ATRNL1: variants seen among roughly 807,000 people sequenced by gnomAD.
The protein encoded by ATRNL1 is attractin like 1.
ATRNL1 carries 95 observed loss-of-function variants against 182.7 expected under a neutral mutation model. That is an observed-to-expected ratio of 0.52 (90% CI 0.44 to 0.62). The LOEUF (loss-of-function observed/expected upper bound fraction) is 0.62, where lower values mean the gene tolerates loss of function less well. Ranked by LOEUF, ATRNL1 falls within the 20% of genes least tolerant of loss-of-function variation. The pLI, the probability that ATRNL1 is intolerant of heterozygous loss-of-function variation, is 0.00. For synonymous variants in ATRNL1, 576 were observed against 568.3 expected (o/e 1.01, Z -0.19); for missense variants, 1,471 against 1,679.5 (o/e 0.88, Z 2.17).
chr10:115,786,164 C>G (rs1454587277), intron 27 of ATRNL1, among the ~76,000 whole-genome samples: 1 of 152,156 alleles, frequency 6.6e-6, no homozygotes, highest in African/African-American at 2.4e-5. Context: ...GTCATCAAGG[C>G]TTTTCCTATC....
Position 115,948,846 on chromosome 10 carries a change from C to T in ATRNL1, c.*4067C>T, listed in dbSNP as rs1274208673. The T allele has an allele frequency of 1.4e-5, 2 of 147,832 alleles. No individual in the cohort carries two copies. Among genetic ancestry groups the T allele is most frequent in the Non-Finnish European group, 3.0e-5 (2 of 67,324 alleles). The allele number at this position is 147,832 out of a possible 1,614,324, so 9.2% of individuals were successfully genotyped here. ...TAAGAATTAGAACCAGAGCTCCTAT[C>T]AGTATATATGTACACAGGTGTGCAT... On this transcript the variant is annotated 3_prime_UTR_variant, in exon 29 of 29. Transcript: ENST00000355044.
intron 21 of ATRNL1, among the ~76,000 whole-genome samples, chr10:115,454,758 CTG>C (rs1847442606): frequency 1.3e-5 from 2 of 152,006 alleles, no homozygotes; most frequent in South Asian, 4.1e-4. Flanking sequence ...TCCTGCAACA[CTG>C]TTGAATTTAT....
At position 115,778,386 on chromosome 10, in the gene ATRNL1, G is replaced by C. The variant is rs117733702; in HGVS notation, c.3903+51031G>C. Among the ~76,000 whole-genome samples, 66 of 152,244 alleles carry C rather than the reference G, an allele frequency of 4.3e-4. No individual in the cohort carries two copies. The East Asian group carries it at 0.012, about 28-fold the overall frequency. On this transcript the variant is annotated intron_variant, in intron 27 of 28. Coordinates refer to ENST00000355044, the MANE Select transcript of ATRNL1 (RefSeq NM_207303.4). ...TGTCAAATGCCATTTAAAAAGACCA[G>C]ATAAAATGCTAAGTGAATTCAGTGA... is the stretch of plus-strand genomic sequence containing the variant.
At chr10:115,379,137 G>T (rs1221732977) in intron 19 of ATRNL1, among the ~76,000 whole-genome samples, 3 of 151,684 alleles carry the variant, frequency 2.0e-5, no homozygotes, top group Non-Finnish European at 4.4e-5. Flanking sequence ...ATATTCTAGG[G>T]GGCAGAAATA....
intron 18 of ATRNL1, among the ~76,000 whole-genome samples, chr10:115,325,283 C>A (rs1187030774): frequency 6.6e-6 from 1 of 152,094 alleles, no homozygotes; most frequent in Non-Finnish European, 1.5e-5. Context: ...GATATTAGAA[C>A]CTTTCAAGCA....
At chr10:115,741,025 C>G (rs1948125059) in intron 27 of ATRNL1, among the ~76,000 whole-genome samples, 1 of 152,028 alleles carries the variant, frequency 6.6e-6, no homozygotes, top group African/African-American at 2.4e-5. Context: ...GGAAATTCTA[C>G]CTTAAAAACA....
chr10:115,751,199 G>A (rs533873221), intron 27 of ATRNL1, among the ~76,000 whole-genome samples: 6 of 152,086 alleles, frequency 3.9e-5, no homozygotes, highest in African/African-American at 1.4e-4. Context: ...GAAGGTGGAA[G>A]GGGACTGCAA....
intron 26 of ATRNL1, among the ~76,000 whole-genome samples, chr10:115,689,425 C>T (rs1321262899): frequency 6.6e-6 from 1 of 152,126 alleles, no homozygotes. Context: ...TTTTTGTGTC[C>T]CGCAAAACAA....
At chr10:115,369,658 C>T (rs1857282991) in intron 19 of ATRNL1, among the ~76,000 whole-genome samples, 1 of 152,068 alleles carries the variant, frequency 6.6e-6, no homozygotes, top group Non-Finnish European at 1.5e-5. Flanking sequence ...ATACTACATT[C>T]CATAATGGCC....
intron 26 of ATRNL1, among the ~76,000 whole-genome samples, chr10:115,704,460 T>A (rs2134003063): frequency 6.6e-6 from 1 of 152,084 alleles, no homozygotes; most frequent in African/African-American, 2.4e-5. Flanking sequence ...GGTTTAGGAC[T>A]TTAACATTAC....
chr10:115,194,745 G>A (rs1848295329), intron 8 of ATRNL1, among the ~76,000 whole-genome samples: 1 of 151,282 alleles, frequency 6.6e-6, no homozygotes, highest in Non-Finnish European at 1.5e-5. Flanking sequence ...TTGTTTTCTG[G>A]TCATTTTGTT....
intron 6 of ATRNL1, among the ~76,000 whole-genome samples, chr10:115,162,302 T>C (rs1361311827): frequency 6.6e-6 from 1 of 151,978 alleles, no homozygotes; most frequent in Non-Finnish European, 1.5e-5. Context: ...ATAAATGTAA[T>C]AGTTAAGGTA....
intron 26 of ATRNL1, among the ~76,000 whole-genome samples, chr10:115,573,353 A>G (rs901142907): frequency 6.6e-6 from 1 of 150,408 alleles, no homozygotes; most frequent in African/African-American, 2.5e-5. Context: ...TCTCCCCTAC[A>G]TTGTTCCATT....
chr10:115,174,205 T>C (rs555914957), intron 8 of ATRNL1, among the ~76,000 whole-genome samples: 1 of 151,968 alleles, frequency 6.6e-6, no homozygotes, highest in South Asian at 2.1e-4. Context: ...TGAGGAATTT[T>C]TTTTTTACCC....
At chr10:115,455,822 A>G (rs926482422) in intron 21 of ATRNL1, among the ~76,000 whole-genome samples, 3 of 152,150 alleles carry the variant, frequency 2.0e-5, no homozygotes, top group Non-Finnish European at 4.4e-5. Flanking sequence ...AAAAGTGGGC[A>G]AAGGATATGA....
intron 28 of ATRNL1, among the ~76,000 whole-genome samples, chr10:115,874,552 TTCTCTGAAGGAAACTACAA>T (rs1951658109): frequency 6.6e-6 from 1 of 152,228 alleles, no homozygotes; most frequent in Admixed American, 6.5e-5. Flanking sequence ...AGATAATCAC[TTCTCTGAAGGAAACTACAA>T]TCTCTTCAGG....
intron 27 of ATRNL1, among the ~76,000 whole-genome samples, chr10:115,791,158 T>G (rs2134211532): frequency 6.6e-6 from 1 of 152,284 alleles, no homozygotes; most frequent in South Asian, 2.1e-4. Flanking sequence ...CTTACCTGCT[T>G]CAAGTCTTTA....
At chr10:115,538,264 A>T (rs1035577711) in intron 25 of ATRNL1, among the ~76,000 whole-genome samples, 2 of 152,204 alleles carry the variant, frequency 1.3e-5, no homozygotes, top group African/African-American at 4.8e-5. Context: ...CATCTTTATA[A>T]TAGCTGCCAC....
chr10:115,622,727 AC>A (rs1338570418), intron 26 of ATRNL1, among the ~76,000 whole-genome samples: 11 of 152,270 alleles, frequency 7.2e-5, no homozygotes, highest in African/African-American at 2.4e-4. Flanking sequence ...GGAGATCGAG[AC>A]CATCCTGGCT....
Sources: allele counts gnomAD v4.1 joint callset (sites outside exome capture counted in the v4.1 genomes callset), GRCh38; gene constraint gnomAD v4.1.1; transcripts MANE v1.5; gene names NCBI Gene and HGNC (gene_info 2026-07-23, HGNC 2026-07-21).